AK9: variants seen among roughly 807,000 people sequenced by gnomAD.
AK9 encodes the protein adenylate kinase domain containing 1.
In AK9, 191 loss-of-function variants were observed where a neutral mutation model predicts 239.6. The ratio of observed to expected loss-of-function variants is 0.80; its 90% CI spans 0.71 to 0.90. The LOEUF (loss-of-function observed/expected upper bound fraction) is 0.90, where lower values mean the gene tolerates loss of function less well. AK9 is among the 40% of genes least tolerant of loss of function. AK9 has a pLI of 0.00. For missense variants in AK9, 1,995 were observed against 2,214.7 expected (o/e 0.90, Z 1.99); for synonymous variants, 689 against 721.0 (o/e 0.96, Z 0.71).
chr6:109,592,073 CA>C (rs1434862133), intron 17 of AK9, among the ~76,000 whole-genome samples: 3 of 150,052 alleles, frequency 2.0e-5, no homozygotes, highest in African/African-American at 7.3e-5. Context: ...AATCTTTTGC[CA>C]AAAACTGTTT....
chr6:109,630,010 G>T (rs1285318452), intron 12 of AK9, among the ~76,000 whole-genome samples: 2 of 152,096 alleles, frequency 1.3e-5, no homozygotes, highest in Admixed American at 6.6e-5. Context: ...CATTTTAAGG[G>T]TATGTTTGAA....
chr6:109,647,463 A>C (rs1422576517), intron 8 of AK9, among the ~76,000 whole-genome samples: 1 of 152,222 alleles, frequency 6.6e-6, no homozygotes, highest in Non-Finnish European at 1.5e-5. Context: ...AACAGACTTG[A>C]AACCAACAAA....
At position 109,659,190 on chromosome 6, in the gene AK9, A is replaced by G. The variant is rs530890141; in HGVS notation, c.630+38T>C. On this transcript the variant is annotated intron_variant, in intron 7 of 40. Transcript: ENST00000424296. ...TTTACCTTAATTATAGCAATTTTAA[A>G]AAGTGTAGTGTATGGTAGTTACCTA... The G allele has an allele frequency of 1.0e-5, 15 of 1,470,400 alleles. No individual in the cohort carries two copies. The African/African-American group carries it at 1.9e-4, about 18-fold the overall frequency. The allele number at this position is 1,470,400 out of a possible 1,614,324, so 91.1% of individuals were successfully genotyped here. A position where few individuals can be genotyped will look rare whatever the true frequency, so the allele number is the denominator to read the frequency against.
At chr6:109,572,385 T>A (rs1787542439) in intron 21 of AK9, among the ~76,000 whole-genome samples, 1 of 152,176 alleles carries the variant, frequency 6.6e-6, no homozygotes, top group East Asian at 1.9e-4. Context: ...AAAGTCTCTG[T>A]GAACTATCTA....
intron 12 of AK9, among the ~76,000 whole-genome samples, chr6:109,622,152 T>C (rs913580818): frequency 2.1e-5 from 3 of 144,588 alleles, no homozygotes; most frequent in African/African-American, 7.4e-5. Flanking sequence ...TTATACATTA[T>C]ATAATATACA....
At chr6:109,591,217 A>C (rs559227060) in intron 17 of AK9, among the ~76,000 whole-genome samples, 1 of 152,112 alleles carries the variant, frequency 6.6e-6, no homozygotes, top group Non-Finnish European at 1.5e-5. Flanking sequence ...CGATGCATAT[A>C]TATTTAGAAA....
intron 27 of AK9, 39 bp from the exon 28 acceptor site, chr6:109,533,509 AT>A: frequency 6.7e-7 from 1 of 1,486,530 alleles, no homozygotes; most frequent in Non-Finnish European, 9.1e-7. Flanking sequence ...TTTCATTAAA[AT>A]GTTGTAATGG....
chr6:109,528,326 T>G (rs1780773254), intron 29 of AK9: 1 of 354,682 alleles, frequency 2.8e-6, no homozygotes, highest in Non-Finnish European at 5.6e-6. Context: ...ATGAGAGAAA[T>G]GAGCATTATA....
intron 20 of AK9, chr6:109,579,294 G>T (rs1381614564): frequency 1.1e-5 from 4 of 376,504 alleles, no homozygotes; most frequent in Non-Finnish European, 1.9e-5. Context: ...TGCAGAGGGT[G>T]TATGAGTAGG....
chr6:109,641,021 T>C (rs1467766867), intron 10 of AK9, among the ~76,000 whole-genome samples: 1 of 151,914 alleles, frequency 6.6e-6, no homozygotes, highest in Non-Finnish European at 1.5e-5. Flanking sequence ...GTTTCAAAAC[T>C]TGTGTTGTGT....
chr6:109,675,831 C>A (rs771201602), intron 1 of AK9, 75 bp from the exon 2 acceptor site: 6 of 831,886 alleles, frequency 7.2e-6, no homozygotes, highest in Non-Finnish European at 9.5e-6. Context: ...ATTGAAATAA[C>A]CTGTGAGTTT....
intron 12 of AK9, 61 bp downstream of exon 12, chr6:109,632,862 C>CACAG (rs146518695): frequency 4.8e-6 from 6 of 1,254,098 alleles, no homozygotes; most frequent in Non-Finnish European, 6.5e-6. Flanking sequence ...GACAGATAGA[C>CACAG]ATAGATAGAT....
intron 24 of AK9, among the ~76,000 whole-genome samples, chr6:109,552,451 G>A (rs981974908): frequency 1.3e-5 from 2 of 152,142 alleles, no homozygotes; most frequent in Non-Finnish European, 2.9e-5. Context: ...TTTCTCTGAT[G>A]ATCAGTGATG....
chr6:109,654,288 A>C (rs2128308257), intron 8 of AK9, among the ~76,000 whole-genome samples: 1 of 152,194 alleles, frequency 6.6e-6, no homozygotes, highest in East Asian at 1.9e-4. Flanking sequence ...ACCAATAAAT[A>C]ATCATGTTTT....
chr6:109,506,422 C>G lies in AK9; in HGVS notation c.4754G>C (p.Gly1585Ala). 1.2e-6 allele frequency: 2 copies of G among 1,613,818 alleles called. No homozygotes were observed. The highest frequency in any genetic ancestry group is 1.7e-6 in the Non-Finnish European group (2 of 1,179,948). The change falls in exon 35 of 41, where the codon GGA (glycine) becomes GCA (alanine). Residue 1585 changes from glycine to alanine, a missense_variant. This residue lies in a region of AK9 where 391 missense variants were observed against 456.0 expected (regional missense o/e 0.86). Transcript: ENST00000424296. The part of the protein sequence containing the change: ...EQHQNWYVID[G>A]FHSKWWVWNE... ...CCATACCCACCATTTGCTGTGAAATCCATCAATCACATACCAGTTCTGATG... is the reference window on the plus strand; with the variant it reads ...CCATACCCACCATTTGCTGTGAAATGCATCAATCACATACCAGTTCTGATG...
At chr6:109,567,004 A>G (rs1225787297) in intron 21 of AK9, among the ~76,000 whole-genome samples, 1 of 152,200 alleles carries the variant, frequency 6.6e-6, no homozygotes, top group East Asian at 1.9e-4. Context: ...ACACCCTATC[A>G]TCACAATGAA....
At chr6:109,529,307 C>G (rs1035097969) in intron 28 of AK9, among the ~76,000 whole-genome samples, 1 of 152,198 alleles carries the variant, frequency 6.6e-6, no homozygotes, top group African/African-American at 2.4e-5. Context: ...GGGTCAGTTA[C>G]TCTTTCCACA....
At chr6:109,501,410 A>T (rs1272118173) in intron 35 of AK9, among the ~76,000 whole-genome samples, 1 of 152,158 alleles carries the variant, frequency 6.6e-6, no homozygotes, top group Non-Finnish European at 1.5e-5. Context: ...ACCGTGCCCA[A>T]AGAGGTTTCC....
chr6:109,566,815 G>T (rs1583034613), intron 21 of AK9, among the ~76,000 whole-genome samples: 1 of 152,268 alleles, frequency 6.6e-6, no homozygotes, highest in East Asian at 1.9e-4. Flanking sequence ...TGAACAACCT[G>T]CTCCTGAATG....
Sources: gnomAD v4.1 joint callset for allele counts (sites outside exome capture counted in the v4.1 genomes callset) on GRCh38, gnomAD v4.1.1 for gene constraint, gnomAD v4.1.1 regional missense constraint, MANE v1.5 for transcripts, NCBI Gene and HGNC (gene_info 2026-07-23, HGNC 2026-07-21) for gene names.